Variants in CDC40 observed in about 807,000 individuals in gnomAD.
The protein encoded by CDC40 is cell division cycle 40, also known as pre-mRNA-processing factor 17.
Under a neutral mutation model 80.6 loss-of-function variants are expected in CDC40, and 27 were observed. That is an observed-to-expected ratio of 0.33 (90% CI 0.25 to 0.46). CDC40 has a LOEUF of 0.46. Among genes scored for constraint, CDC40 ranks in the 20% least tolerant of loss-of-function variants. CDC40 has a pLI of 1.00. For synonymous variants in CDC40, 221 were observed against 232.6 expected (o/e 0.95, Z 0.45); for missense variants, 486 against 694.1 (o/e 0.70, Z 3.37).
At chr6:110,193,685 A>G (rs1670479557) in intron 2 of CDC40, among the ~76,000 whole-genome samples, 1 of 152,196 alleles carries the variant, frequency 6.6e-6, no homozygotes, top group Non-Finnish European at 1.5e-5. Flanking sequence ...GATTACAGGC[A>G]TGAGCCACTG....
chr6:110,202,625 T>G lies in CDC40; in HGVS notation c.406+938T>G, dbSNP rs565755972. ...TTCTTAAATTACCTTATAACAAGAA[T>G]AAGGATTTAAAACTCTTCAGCTGGC... On this transcript the variant is annotated intron_variant, in intron 3 of 14. Transcript: ENST00000307731. Among the ~76,000 whole-genome samples, 9 of 152,310 alleles carry G rather than the reference T, an allele frequency of 5.9e-5. No individual in the cohort carries two copies. The South Asian group carries it at 1.7e-3, about 28-fold the overall frequency.
chr6:110,203,071 G>A (rs745440393), intron 3 of CDC40, among the ~76,000 whole-genome samples: 28 of 152,114 alleles, frequency 1.8e-4, no homozygotes, highest in Non-Finnish European at 3.7e-4. Context: ...TATTTATTAA[G>A]TTCAAGTGAA....
intron 2 of CDC40, among the ~76,000 whole-genome samples, chr6:110,200,555 T>G (rs1359297048): frequency 6.6e-6 from 1 of 152,236 alleles, no homozygotes; most frequent in Non-Finnish European, 1.5e-5. Context: ...CAGTACCTTT[T>G]ATAATAGTAT....
intron 2 of CDC40, among the ~76,000 whole-genome samples, chr6:110,195,557 G>T (rs958442330): frequency 2.6e-5 from 4 of 152,138 alleles, no homozygotes; most frequent in African/African-American, 9.7e-5. Context: ...GTAAAATGAA[G>T]ATAATTTTTA....
intron 1 of CDC40, among the ~76,000 whole-genome samples, chr6:110,192,412 G>C (rs1343535904): frequency 6.6e-6 from 1 of 152,212 alleles, no homozygotes; most frequent in Non-Finnish European, 1.5e-5. Context: ...GGGTGGAATT[G>C]TGATTAACTA....
chr6:110,186,937 T>G (rs961505625), intron 1 of CDC40, among the ~76,000 whole-genome samples: 4 of 152,212 alleles, frequency 2.6e-5, no homozygotes, highest in African/African-American at 4.8e-5. Context: ...TTACACATAT[T>G]TGTGTTCTCC....
intron 1 of CDC40, among the ~76,000 whole-genome samples, chr6:110,191,389 G>A (rs1777347249): frequency 6.6e-6 from 1 of 152,190 alleles, no homozygotes; most frequent in South Asian, 2.1e-4. Flanking sequence ...ATGAACAAGA[G>A]GCCAGCAGAT....
Position 110,230,098 on chromosome 6 carries a change from T to C in CDC40, c.1707T>C (p.Cys569=), listed in dbSNP as rs1777916193. Residue 569 remains cysteine, a synonymous_variant, in exon 15 of 15, where the codon TGT becomes TGC. Coordinates refer to ENST00000307731, the MANE Select transcript of CDC40 (RefSeq NM_015891.3). ...HPHETSKVIT[C]GWDGLIKLWD ...ATGAAACTTCTAAGGTCATAACATG[T>C]GGTTGGGATGGTCTCATTAAATTGT... The C allele has an allele frequency of 6.2e-7, 1 of 1,612,160 alleles. No individual in the cohort carries two copies. The highest frequency in any genetic ancestry group is 1.1e-5 in the South Asian group (1 of 90,944).
chr6:110,208,093 G>A (rs866606744), intron 4 of CDC40, among the ~76,000 whole-genome samples: 2 of 152,084 alleles, frequency 1.3e-5, no homozygotes, highest in Non-Finnish European at 1.5e-5. Context: ...TACGCTAAAC[G>A]CTAACTTGTC....
At chr6:110,193,923 T>C (rs1218631146) in intron 2 of CDC40, among the ~76,000 whole-genome samples, 1 of 152,168 alleles carries the variant, frequency 6.6e-6, no homozygotes, top group African/African-American at 2.4e-5. Flanking sequence ...AAGGAAAATA[T>C]TGGGGCTTAC....
chr6:110,184,031 T>G (rs1213399637), intron 1 of CDC40, among the ~76,000 whole-genome samples: 2 of 152,238 alleles, frequency 1.3e-5, no homozygotes, highest in African/African-American at 2.4e-5. Context: ...AAATTATTCC[T>G]TTATGTATCG....
At chr6:110,207,130 A>T (rs935992872) in intron 3 of CDC40, among the ~76,000 whole-genome samples, 4 of 152,084 alleles carry the variant, frequency 2.6e-5, no homozygotes, top group African/African-American at 9.7e-5. Context: ...CTTGGCCAAC[A>T]TGGTGAAACC....
At chr6:110,224,740 T>C (rs1777829170) in intron 12 of CDC40, among the ~76,000 whole-genome samples, 1 of 152,244 alleles carries the variant, frequency 6.6e-6, no homozygotes, top group Non-Finnish European at 1.5e-5. Flanking sequence ...TTGCTAGAAA[T>C]AATGAAGTCC....
At chr6:110,224,117 G>A (rs1467058523) in intron 12 of CDC40, among the ~76,000 whole-genome samples, 1 of 151,654 alleles carries the variant, frequency 6.6e-6, no homozygotes, top group Non-Finnish European at 1.5e-5. Flanking sequence ...ACTGCACCCG[G>A]CCAACTTGTG....
chr6:110,206,941 A>G (rs78450423), intron 3 of CDC40, among the ~76,000 whole-genome samples: 6,800 of 152,256 alleles, frequency 0.045, 187 homozygotes, highest in African/African-American at 0.071. Flanking sequence ...AATTCATCCT[A>G]TAAGAAACAT....
At chr6:110,219,895 GA>G (rs753362953) in intron 12 of CDC40, 26 bp downstream of exon 12, 113 of 1,603,404 alleles carry the variant, frequency 7.0e-5, no homozygotes, top group Non-Finnish European at 9.4e-5. Flanking sequence ...TAGAAAATCT[GA>G]TTTACATAAA....
chr6:110,185,617 C>A (rs528107429), intron 1 of CDC40, among the ~76,000 whole-genome samples: 5 of 152,234 alleles, frequency 3.3e-5, no homozygotes, highest in African/African-American at 1.2e-4. Context: ...AGTTAGCCAC[C>A]CCTGAACTGG....
chr6:110,222,333 C>T (rs901028930), intron 12 of CDC40, among the ~76,000 whole-genome samples: 2 of 151,982 alleles, frequency 1.3e-5, no homozygotes, highest in African/African-American at 2.4e-5. Context: ...CCGAGGCAGG[C>T]GGATCACGAA....
At chr6:110,205,274 A>C (rs1275148918) in intron 3 of CDC40, among the ~76,000 whole-genome samples, 2 of 152,208 alleles carry the variant, frequency 1.3e-5, no homozygotes, top group Non-Finnish European at 2.9e-5. Context: ...TTAAAAAGAT[A>C]AAAGGGAAAA....
Sources: gnomAD v4.1 joint callset for allele counts (sites outside exome capture counted in the v4.1 genomes callset) on GRCh38, gnomAD v4.1.1 for gene constraint, MANE v1.5 for transcripts, NCBI Gene and HGNC (gene_info 2026-07-23, HGNC 2026-07-21) for gene names.